Variants in CFAP221 observed in about 807,000 individuals in gnomAD.
The protein encoded by CFAP221 is cilia and flagella associated protein 221.
CFAP221 carries 97 observed loss-of-function variants against 113.1 expected under a neutral mutation model. The observed-to-expected ratio is 0.86, with a 90% CI of 0.73 to 1.02. CFAP221 has a LOEUF of 1.02. Ranked by LOEUF, CFAP221 falls within the 50% of genes least tolerant of loss-of-function variation. CFAP221 has a pLI of 0.00. For synonymous variants in CFAP221, 331 were observed against 354.4 expected (o/e 0.93, Z 0.74); for missense variants, 1,025 against 1,013.4 (o/e 1.01, Z -0.16).
chr2:119,574,427 T>G (rs566204177), intron 6 of CFAP221, among the ~76,000 whole-genome samples: 1 of 152,346 alleles, frequency 6.6e-6, no homozygotes, highest in East Asian at 1.9e-4. Flanking sequence ...GAAAAAGTGT[T>G]CATGGATGAA....
intron 23 of CFAP221, among the ~76,000 whole-genome samples, chr2:119,655,271 A>C (rs1390379453): frequency 6.6e-6 from 1 of 152,182 alleles, no homozygotes; most frequent in Non-Finnish European, 1.5e-5. Flanking sequence ...TGTTCAAGGA[A>C]CTGTGAGACT....
chr2:119,578,926 A>G (rs770187582), intron 6 of CFAP221, among the ~76,000 whole-genome samples: 2 of 152,204 alleles, frequency 1.3e-5, no homozygotes, highest in Non-Finnish European at 2.9e-5. Context: ...AGAAAGGACA[A>G]GAAAGAAATT....
chr2:119,550,117 G>A (rs1259803636), intron 3 of CFAP221, among the ~76,000 whole-genome samples: 1 of 152,150 alleles, frequency 6.6e-6, no homozygotes, highest in Non-Finnish European at 1.5e-5. Context: ...GGGCGGAGGT[G>A]GGCTCTTTGC....
chr2:119,655,169 A>T (rs959755688), intron 23 of CFAP221, among the ~76,000 whole-genome samples: 6 of 152,178 alleles, frequency 3.9e-5, no homozygotes, highest in African/African-American at 1.4e-4. Context: ...GCTCTCACTC[A>T]ATGGCTGAAA....
chr2:119,545,703 G>T (rs757502910), intron 1 of CFAP221, among the ~76,000 whole-genome samples: 2 of 152,206 alleles, frequency 1.3e-5, no homozygotes, highest in Non-Finnish European at 2.9e-5. Flanking sequence ...TCTGAAAGAA[G>T]AGTCTTATTT....
intron 19 of CFAP221, among the ~76,000 whole-genome samples, chr2:119,636,176 G>A (rs1687101703): frequency 6.6e-6 from 1 of 152,132 alleles, no homozygotes; most frequent in African/African-American, 2.4e-5. Context: ...CCTCTACTTG[G>A]CCTGGAAGAG....
At chr2:119,569,589 TTTTC>T (rs1187743869) in intron 6 of CFAP221, among the ~76,000 whole-genome samples, 8 of 152,320 alleles carry the variant, frequency 5.3e-5, no homozygotes, top group Non-Finnish European at 1.2e-4. Flanking sequence ...CTTCTATTTT[TTTTC>T]TTTCTTCTCC....
chr2:119,630,214 A>G (rs1686670983), intron 17 of CFAP221, among the ~76,000 whole-genome samples: 2 of 152,184 alleles, frequency 1.3e-5, no homozygotes, highest in South Asian at 4.1e-4. Context: ...TATGTTAGAA[A>G]CTTCAAGAAA....
Position 119,625,672 on chromosome 2 carries a change from A to G in CFAP221, c.1500A>G (p.Lys500=), listed in dbSNP as rs770389733. Residue 500 remains lysine (K), a synonymous_variant, in exon 15 of 24, where the codon AAA becomes AAG. Transcript: ENST00000413369. Reference sequence around the variant, plus strand: ...TACTGAGAAAGATTGGCCAAGCAAAACAATCGATAGCACAAGGTGAAGTAT... The same window carrying G: ...TACTGAGAAAGATTGGCCAAGCAAAGCAATCGATAGCACAAGGTGAAGTAT... ...ESILRKIGQA[K]QSIAQEANFF... The G allele has an allele frequency of 6.2e-6, 10 of 1,609,166 alleles. No individual in the cohort carries two copies. Among genetic ancestry groups the G allele is most frequent in the South Asian group, 4.4e-5 (4 of 90,976 alleles).
intron 6 of CFAP221, 139 bp downstream of exon 6, chr2:119,562,253 C>CAAAA (rs10628972): frequency 0.15 from 40,424 of 268,962 alleles, 2,554 homozygotes; most frequent in African/African-American, 0.26. Context: ...TTGTAAAAGG[C>CAAAA]AAAAAAAAAA....
At position 119,552,742 on chromosome 2, in the gene CFAP221, TAGAAATATTTCTTTAATAAG is replaced by T. The variant is rs1304709413; in HGVS notation, c.240+3559_240+3578del. Among the ~76,000 whole-genome samples the T allele has an allele frequency of 2.2e-5, 2 of 89,372 alleles. 1 individual carries two copies. Among genetic ancestry groups the T allele is most frequent in the African/African-American group, 8.8e-5 (2 of 22,818 alleles). 58.6% of individuals were successfully genotyped at this position (89,372 alleles called of 152,430 possible). ...ATTTCTTTCTTTAATAAGAAATAAA[TAGAAATATTTCTTTAATAAG>T]AAATAAATAGAAATATTTCTTTCTT... On this transcript the variant is annotated intron_variant, in intron 3 of 23. Transcript: ENST00000413369.
chr2:119,546,413 A>G, intron 2 of CFAP221, 143 bp downstream of exon 2: 3 of 980,148 alleles, frequency 3.1e-6, no homozygotes, highest in Admixed American at 6.1e-5. Context: ...TAAGAACAGT[A>G]GTTCTATTTA....
At chr2:119,560,842 T>C (rs563967661) in intron 5 of CFAP221, among the ~76,000 whole-genome samples, 1 of 152,270 alleles carries the variant, frequency 6.6e-6, no homozygotes, top group Admixed American at 6.5e-5. Flanking sequence ...ATTGATAGTG[T>C]TGTCTCTGAC....
chr2:119,582,942 G>A (rs907686678), intron 6 of CFAP221, among the ~76,000 whole-genome samples: 3 of 152,068 alleles, frequency 2.0e-5, no homozygotes, highest in African/African-American at 7.2e-5. Flanking sequence ...GTAGAAATAA[G>A]TTCAAATATA....
intron 11 of CFAP221, among the ~76,000 whole-genome samples, chr2:119,607,499 T>A (rs773326622): frequency 3.3e-5 from 5 of 152,246 alleles, no homozygotes; most frequent in Non-Finnish European, 5.9e-5. Context: ...ACATTGCATA[T>A]TAGTTTCTTT....
intron 6 of CFAP221, among the ~76,000 whole-genome samples, chr2:119,582,022 A>G (rs930516792): frequency 1.3e-5 from 2 of 152,246 alleles, no homozygotes; most frequent in African/African-American, 4.8e-5. Context: ...AATTAAGGAA[A>G]GATGTGGAGT....
intron 12 of CFAP221, among the ~76,000 whole-genome samples, chr2:119,610,983 C>T (rs974180684): frequency 7.2e-5 from 11 of 152,034 alleles, no homozygotes; most frequent in African/African-American, 2.2e-4. Flanking sequence ...AGGGCCCAGG[C>T]GTCATCAGGG....
At chr2:119,595,298 A>G (rs145921492) in intron 7 of CFAP221, among the ~76,000 whole-genome samples, 2 of 152,228 alleles carry the variant, frequency 1.3e-5, no homozygotes, top group African/African-American at 4.8e-5. Flanking sequence ...TTACTTTAGG[A>G]GAAATCTGCA....
intron 8 of CFAP221, among the ~76,000 whole-genome samples, chr2:119,604,357 C>A (rs1016525178): frequency 6.6e-6 from 1 of 151,852 alleles, no homozygotes; most frequent in Non-Finnish European, 1.5e-5. Flanking sequence ...TCACTTGAAC[C>A]CGGGAGGCAG....
Sources: allele counts gnomAD v4.1 joint callset (sites outside exome capture counted in the v4.1 genomes callset), GRCh38; gene constraint gnomAD v4.1.1; transcripts MANE v1.5; gene names NCBI Gene and HGNC (gene_info 2026-07-23, HGNC 2026-07-21).